Variants in DIXDC1 observed in about 807,000 individuals in gnomAD.
DIXDC1 encodes DIX domain containing 1, also known as dixin.
A neutral mutation model predicts 103.1 loss-of-function variants in DIXDC1; 64 were observed. The observed-to-expected ratio is 0.62, with a 90% confidence interval of 0.51 to 0.76. The LOEUF (loss-of-function observed/expected upper bound fraction) is 0.76. Among genes scored for constraint, DIXDC1 ranks in the 30% least tolerant of loss-of-function variants. DIXDC1 has a pLI of 0.00. For missense variants in DIXDC1, 759 were observed against 834.2 expected, an observed-to-expected ratio of 0.91 and a Z score of 1.11; for synonymous variants, 266 against 298.5, an observed-to-expected ratio of 0.89 and a Z score of 1.12.
At chr11:111,941,215 A>T (rs1966405611) in intron 1 of DIXDC1, among the ~76,000 whole-genome samples, 2 of 152,168 alleles carry the variant, frequency 1.3e-5, no homozygotes, top group South Asian at 4.1e-4. Flanking sequence ...TGGGAGGTTG[A>T]GATTGCAGTG....
Position 111,993,499 on chromosome 11 carries a change from G to T in DIXDC1, c.1276G>T (p.Glu426Ter). ...RNRLLGEYKK[E>*]LGQKDRLLQQ... ...TAAAGCTCTATCTTTATTGCAGAAAGAGCTGGGGCAGAAGGATCGCCTTCT... is the reference window on the plus strand; with the variant it reads ...TAAAGCTCTATCTTTATTGCAGAAATAGCTGGGGCAGAAGGATCGCCTTCT... The change falls in exon 13 of 20, where the codon GAG becomes TAG. Residue 426 changes from glutamate (E) to a stop codon, truncating the protein, a stop_gained. Coordinates refer to ENST00000440460, the MANE Select transcript of DIXDC1 (RefSeq NM_001037954.4). LOFTEE classifies it high-confidence loss of function. 6.2e-7 allele frequency: 1 copy of T among 1,613,982 alleles called. No homozygotes were observed. Among genetic ancestry groups the T allele is most frequent in the East Asian group, 2.2e-5 (1 of 44,882 alleles).
At chr11:111,979,187 A>T (rs1555173009) in intron 5 of DIXDC1, among the ~76,000 whole-genome samples, 7 of 152,234 alleles carry the variant, frequency 4.6e-5, no homozygotes, top group Non-Finnish European at 5.9e-5. Context: ...GGTCATTCCC[A>T]GCAAAGCCCC....
At chr11:111,970,878 G>C (rs116266154) in intron 3 of DIXDC1, among the ~76,000 whole-genome samples, 1,595 of 152,186 alleles carry the variant, frequency 0.01, 22 homozygotes, top group African/African-American at 0.036. Context: ...ATGAGGAAAA[G>C]AATCCCTATT....
At chr11:111,991,143 T>C (rs1234170331) in intron 10 of DIXDC1, among the ~76,000 whole-genome samples, 2 of 152,228 alleles carry the variant, frequency 1.3e-5, no homozygotes, top group African/African-American at 4.8e-5. Context: ...CTCAGCAACA[T>C]TTTCCAAGGT....
upstream of DIXDC1, chr11:111,937,127 C>CGGGGGGGGGGGGGGGGGGGGGGGGGGG (rs200146124): frequency 2.0e-6 from 1 of 502,562 alleles, no homozygotes; most frequent in Admixed American, 1.5e-4. Flanking sequence ...TGCTGCGGCC[C>CGGGGGGGGGGGGGGGGGGGGGGGGGGG]GGGCGGGGGG....
intron 17 of DIXDC1, among the ~76,000 whole-genome samples, chr11:111,997,355 G>C (rs1268559960): frequency 1.3e-5 from 2 of 151,962 alleles, no homozygotes; most frequent in African/African-American, 4.8e-5. Context: ...AGCGGCGGGG[G>C]ATGGAGTTTC....
At chr11:112,004,052 A>ATATATATG (rs1861154507) in intron 17 of DIXDC1, among the ~76,000 whole-genome samples, 1 of 144,720 alleles carries the variant, frequency 6.9e-6, no homozygotes, top group African/African-American at 2.5e-5. Flanking sequence ...ATATATATGT[A>ATATATATG]TGTATATATA....
At chr11:111,934,934 C>T (rs587714276), upstream of DIXDC1, among the ~76,000 whole-genome samples, 31 of 152,336 alleles carry the variant, frequency 2.0e-4, no homozygotes, top group African/African-American at 6.7e-4. Flanking sequence ...TTTGGTTCCA[C>T]AGTTGCATTA....
At chr11:111,946,294 G>A (rs1966594311) in intron 1 of DIXDC1, among the ~76,000 whole-genome samples, 1 of 152,130 alleles carries the variant, frequency 6.6e-6, no homozygotes, top group Non-Finnish European at 1.5e-5. Flanking sequence ...ATTTTTAGTA[G>A]AGACGGGGTT....
intron 17 of DIXDC1, among the ~76,000 whole-genome samples, chr11:112,004,652 C>A (rs1335373606): frequency 1.3e-5 from 2 of 152,150 alleles, no homozygotes; most frequent in African/African-American, 4.8e-5. Flanking sequence ...GCTTCTGAGG[C>A]AGGAAACAGC....
At chr11:111,987,500 G>T (rs1334829049) in intron 9 of DIXDC1, among the ~76,000 whole-genome samples, 2 of 152,062 alleles carry the variant, frequency 1.3e-5, no homozygotes, top group Admixed American at 6.5e-5. Context: ...AAGAAAAAAT[G>T]TATCTAATAC....
At chr11:111,947,990 C>T (rs1966653864) in intron 1 of DIXDC1, among the ~76,000 whole-genome samples, 1 of 152,070 alleles carries the variant, frequency 6.6e-6, no homozygotes. Context: ...TCCATCTCTA[C>T]AAAAATCAAA....
chr11:111,999,683 G>T (rs1035179819), intron 17 of DIXDC1, among the ~76,000 whole-genome samples: 2 of 152,042 alleles, frequency 1.3e-5, no homozygotes, highest in African/African-American at 4.8e-5. Flanking sequence ...TGGCCAACAT[G>T]GTGAAACCCT....
intron 1 of DIXDC1, among the ~76,000 whole-genome samples, chr11:111,947,065 A>G (rs1555169451): frequency 6.6e-6 from 1 of 151,250 alleles, no homozygotes; most frequent in East Asian, 1.9e-4. Flanking sequence ...TGGTGTTTAT[A>G]TTTGTTTTGG....
intron 14 of DIXDC1, among the ~76,000 whole-genome samples, chr11:111,994,441 A>C (rs1206029619): frequency 6.6e-6 from 1 of 151,620 alleles, no homozygotes; most frequent in Non-Finnish European, 1.5e-5. Context: ...ATACACTCAC[A>C]CATATATATA....
intron 3 of DIXDC1, 87 bp from the exon 4 acceptor site, chr11:111,973,936 T>C: frequency 7.8e-7 from 1 of 1,275,960 alleles, no homozygotes; most frequent in Admixed American, 2.1e-5. Flanking sequence ...TCACTAGCAA[T>C]ATGTAATAAA....
chr11:111,936,868 G>A (rs1279973561), upstream of DIXDC1, among the ~76,000 whole-genome samples: 2 of 151,414 alleles, frequency 1.3e-5, no homozygotes, highest in East Asian at 3.9e-4. Context: ...GTGTGTGTGT[G>A]TGTGTGTGTG....
At chr11:112,013,966 A>G (rs1861509648) in intron 17 of DIXDC1, among the ~76,000 whole-genome samples, 1 of 152,204 alleles carries the variant, frequency 6.6e-6, no homozygotes, top group Admixed American at 6.5e-5. Flanking sequence ...AGGAAGCAAG[A>G]GAGTGGAGGG....
chr11:111,981,085 C>T (rs1555173200), intron 6 of DIXDC1, among the ~76,000 whole-genome samples: 1 of 152,214 alleles, frequency 6.6e-6, no homozygotes, highest in African/African-American at 2.4e-5. Flanking sequence ...TAGGCCCTTT[C>T]TCAGCTGGCT....
Sources: allele counts gnomAD v4.1 joint callset (sites outside exome capture counted in the v4.1 genomes callset), GRCh38; gene constraint gnomAD v4.1.1; transcripts MANE v1.5; gene names NCBI Gene and HGNC (gene_info 2026-07-23, HGNC 2026-07-21).